SIPA1L1: variants seen among roughly 807,000 people sequenced by gnomAD.
SIPA1L1 encodes signal-induced proliferation-associated 1-like protein 1.
SIPA1L1 carries 26 observed loss-of-function variants against 162.7 expected under a neutral mutation model. That is an observed-to-expected ratio of 0.16 (90% CI 0.12 to 0.22). The LOEUF (loss-of-function observed/expected upper bound fraction) is 0.22, where lower values mean the gene tolerates loss of function less well. Ranked by LOEUF, SIPA1L1 falls within the 10% of genes least tolerant of loss-of-function variation. The pLI is 1.00. For missense variants in SIPA1L1, 1,874 were observed against 2,241.0 expected, an observed-to-expected ratio of 0.84 and a Z score of 3.31; for synonymous variants, 829 against 837.4, an observed-to-expected ratio of 0.99 and a Z score of 0.17.
chr14:71,469,557 C>T (rs58790132), intron 2 of SIPA1L1, among the ~76,000 whole-genome samples: 86 of 152,264 alleles, frequency 5.6e-4, no homozygotes, highest in African/African-American at 1.9e-3. Context: ...ATGATGCTCT[C>T]TCTGCTCATC....
At chr14:71,702,629 A>T (rs1215978968) in intron 15 of SIPA1L1, 124 bp downstream of exon 15, 3 of 855,412 alleles carry the variant, frequency 3.5e-6, no homozygotes, top group Non-Finnish European at 5.3e-6. Flanking sequence ...AATTAGAATT[A>T]AGTCTCTGTT....
intron 4 of SIPA1L1, among the ~76,000 whole-genome samples, chr14:71,538,645 G>C (rs2054112851): frequency 6.6e-6 from 1 of 151,974 alleles, no homozygotes; most frequent in Non-Finnish European, 1.5e-5. Context: ...TGGAGTTTGT[G>C]TCTGTTTTCT....
intron 6 of SIPA1L1, among the ~76,000 whole-genome samples, chr14:71,621,653 C>T (rs2039461149): frequency 6.6e-6 from 1 of 152,156 alleles, no homozygotes; most frequent in African/African-American, 2.4e-5. Flanking sequence ...TATACTTAGT[C>T]ATTTTGTTTG....
At chr14:71,689,831 C>T (rs2081125629) in intron 13 of SIPA1L1, among the ~76,000 whole-genome samples, 1 of 152,162 alleles carries the variant, frequency 6.6e-6, no homozygotes, top group East Asian at 1.9e-4. Flanking sequence ...GCAGCTGCGT[C>T]TGCAGCCTCC....
At chr14:71,397,838 T>C (rs2041332786) in intron 2 of SIPA1L1, among the ~76,000 whole-genome samples, 1 of 152,170 alleles carries the variant, frequency 6.6e-6, no homozygotes, top group African/African-American at 2.4e-5. Context: ...CACTATTTCA[T>C]CTTGTTTGTA....
intron 5 of SIPA1L1, among the ~76,000 whole-genome samples, chr14:71,604,648 A>G (rs567132538): frequency 3.5e-4 from 54 of 152,332 alleles, no homozygotes; most frequent in African/African-American, 1.3e-3. Context: ...ACTGCTGAGT[A>G]TAGTAGCCTT....
At chr14:71,451,704 C>CTTAGTAA (rs2045839462) in intron 2 of SIPA1L1, among the ~76,000 whole-genome samples, 1 of 149,890 alleles carries the variant, frequency 6.7e-6, no homozygotes, top group South Asian at 2.1e-4. Flanking sequence ...CTGTGTACTA[C>CTTAGTAA]ATTCTTGCTA....
intron 2 of SIPA1L1, among the ~76,000 whole-genome samples, chr14:71,501,606 T>G (rs981848023): frequency 2.0e-5 from 3 of 152,132 alleles, no homozygotes; most frequent in Non-Finnish European, 4.4e-5. Flanking sequence ...GCTTCTGAGG[T>G]GTTGGTAATG....
At chr14:71,329,525 C>T (rs1489468121) in intron 2 of SIPA1L1, among the ~76,000 whole-genome samples, 1 of 151,590 alleles carries the variant, frequency 6.6e-6, no homozygotes, top group Admixed American at 6.6e-5. Flanking sequence ...ACTGCAACGT[C>T]CACCTCCCGG....
chr14:71,715,235 A>G (rs2083180434), intron 17 of SIPA1L1, among the ~76,000 whole-genome samples: 1 of 152,264 alleles, frequency 6.6e-6, no homozygotes, highest in African/African-American at 2.4e-5. Flanking sequence ...TCTCAGTTCT[A>G]CCATTGGTCA....
rs1180366166 is a variant in SIPA1L1 at position 71,393,515 on chromosome 14, A to C, written c.-465+72334A>C. Among the ~76,000 whole-genome samples the C allele has an allele frequency of 3.3e-5, 5 of 152,280 alleles. No individual in the cohort carries two copies. In the East Asian group the frequency reaches 9.6e-4, roughly 29 times the overall value. ...TCATGCTAGCAGGACTTGCTTTAGT[A>C]ATAGCTTTGTGGCTGGGCGTGGAGG... On this transcript the variant is annotated intron_variant, in intron 2 of 23. Transcript: ENST00000381232.
intron 2 of SIPA1L1, among the ~76,000 whole-genome samples, chr14:71,384,045 T>C (rs2040121423): frequency 6.6e-6 from 1 of 152,002 alleles, no homozygotes; most frequent in African/African-American, 2.4e-5. Flanking sequence ...TCATATAGGG[T>C]TTGTTAGGTG....
Position 71,331,988 on chromosome 14 carries a change from C to G in SIPA1L1, c.-465+10807C>G, listed in dbSNP as rs1420291650. Among the ~76,000 whole-genome samples the G allele has an allele frequency of 3.3e-5, 5 of 152,190 alleles. No homozygotes were observed. The East Asian group carries it at 9.6e-4, about 29-fold the overall frequency. On this transcript the variant is annotated intron_variant, in intron 2 of 23. Coordinates refer to ENST00000381232, the MANE Select transcript of SIPA1L1 (RefSeq NM_001386936.1). ...ATTTCGGCTACTTAAGAAATATTTT[C>G]TCATCATCTTAATACAATGATGGGG... is the stretch of plus-strand genomic sequence containing the variant.
At chr14:71,404,578 A>T (rs1305449147) in intron 2 of SIPA1L1, among the ~76,000 whole-genome samples, 1 of 152,196 alleles carries the variant, frequency 6.6e-6, no homozygotes, top group African/African-American at 2.4e-5. Context: ...CTTCAAGTTT[A>T]TTAAAGGACA....
chr14:71,399,471 C>T (rs965555309), intron 2 of SIPA1L1, among the ~76,000 whole-genome samples: 1 of 152,134 alleles, frequency 6.6e-6, no homozygotes, highest in Non-Finnish European at 1.5e-5. Flanking sequence ...GTGGTACTAT[C>T]GTAGCTCACT....
rs372980613 is a variant in SIPA1L1 at position 71,373,118 on chromosome 14, T to A, written c.-465+51937T>A. On this transcript the variant is annotated intron_variant, in intron 2 of 23. Transcript: ENST00000381232. The stretch of plus-strand genomic sequence containing the variant: ...TGAGGTCAGGAGATCGAGACCATCC[T>A]GGCTAACACGGTGAAACCCCATGTC... Among the ~76,000 whole-genome samples the A allele has an allele frequency of 4.7e-4, 72 of 151,904 alleles. 1 individual carries two copies. The highest frequency in any genetic ancestry group is 1.7e-3 in the African/African-American group (71 of 41,354).
chr14:71,581,945 G>A (rs1482065530), intron 4 of SIPA1L1, among the ~76,000 whole-genome samples: 1 of 152,026 alleles, frequency 6.6e-6, no homozygotes, highest in African/African-American at 2.4e-5. Context: ...TTTATTATGT[G>A]CTTATTGCAT....
At chr14:71,323,470 T>C (rs2033389090) in intron 2 of SIPA1L1, among the ~76,000 whole-genome samples, 1 of 152,220 alleles carries the variant, frequency 6.6e-6, no homozygotes, top group Non-Finnish European at 1.5e-5. Context: ...ATCATTGTTA[T>C]TGGTCCGTAT....
At chr14:71,560,637 T>A (rs1366650428) in intron 4 of SIPA1L1, among the ~76,000 whole-genome samples, 3 of 152,220 alleles carry the variant, frequency 2.0e-5, no homozygotes, top group Admixed American at 6.5e-5. Flanking sequence ...TTAGAAAATT[T>A]AGAAAATTCC....
Sources: gnomAD v4.1 joint callset for allele counts (sites outside exome capture counted in the v4.1 genomes callset) on GRCh38, gnomAD v4.1.1 for gene constraint, MANE v1.5 for transcripts, NCBI Gene and HGNC (gene_info 2026-07-23, HGNC 2026-07-21) for gene names.